Variants in FRY observed in about 807,000 individuals in gnomAD.
FRY encodes the protein protein furry homolog.
FRY carries 128 observed loss-of-function variants against 348.4 expected under a neutral mutation model. The ratio of observed to expected loss-of-function variants is 0.37; its 90% confidence interval spans 0.32 to 0.43. The LOEUF (loss-of-function observed/expected upper bound fraction) is 0.43, where lower values mean the gene tolerates loss of function less well. Among genes scored for constraint, FRY ranks in the 20% least tolerant of loss-of-function variants. FRY has a pLI of 1.00. For missense variants in FRY, 2,736 were observed against 3,695.2 expected, an observed-to-expected ratio of 0.74 and a Z score of 6.73; for synonymous variants, 1,370 against 1,374.7, an observed-to-expected ratio of 1.00 and a Z score of 0.08.
chr13:32,090,328 G>A (rs1876204278), intron 2 of FRY, among the ~76,000 whole-genome samples: 1 of 140,640 alleles, frequency 7.1e-6, no homozygotes, highest in Admixed American at 7.8e-5. Context: ...AGCAGCCTGG[G>A]CGACAGAGCT....
intron 2 of FRY, among the ~76,000 whole-genome samples, chr13:32,099,274 G>A (rs181743437): frequency 0.021 from 3,192 of 151,318 alleles, 48 homozygotes; most frequent in Non-Finnish European, 0.029. Flanking sequence ...GTGTATATAT[G>A]TATATATATA....
chr13:32,075,805 T>G (rs1875013622), intron 1 of FRY, among the ~76,000 whole-genome samples: 1 of 152,206 alleles, frequency 6.6e-6, no homozygotes. Context: ...CTTACCCCAT[T>G]AACTTTCATG....
chr13:32,179,833 T>TA, intron 23 of FRY, 34 bp downstream of exon 23: 1 of 1,598,466 alleles, frequency 6.3e-7, no homozygotes. Context: ...TCTAAATTCA[T>TA]ACATGCTGCT....
At chr13:32,217,145 G>A (rs1411482193) in intron 35 of FRY, among the ~76,000 whole-genome samples, 1 of 152,132 alleles carries the variant, frequency 6.6e-6, no homozygotes, top group Non-Finnish European at 1.5e-5. Context: ...ATAGAGTATT[G>A]ATCTGTTATG....
At chr13:32,056,709 A>G (rs187526544) in intron 1 of FRY, among the ~76,000 whole-genome samples, 1 of 152,344 alleles carries the variant, frequency 6.6e-6, no homozygotes, top group Admixed American at 6.5e-5. Flanking sequence ...TCACTGAAAA[A>G]TAGTGAAAAT....
Position 32,173,318 on chromosome 13 carries a change from T to C in FRY, c.2152-49T>C, listed in dbSNP as rs1213708387. 2.8e-6 allele frequency: 4 copies of C among 1,410,854 alleles called. No individual in the cohort carries two copies. In the South Asian group the frequency reaches 3.5e-5, roughly 12 times the overall value. 87.4% of individuals were successfully genotyped at this position (1,410,854 alleles called of 1,614,324 possible). On this transcript the variant is annotated intron_variant, in intron 18 of 60. Coordinates refer to ENST00000542859, the MANE Select transcript of FRY (RefSeq NM_023037.3). ...ATGTAAAACATGAGTGTATTCTTCTTCCTTTGTTATTTCGCTGAATACAGA... is the reference window on the plus strand; with the variant it reads ...ATGTAAAACATGAGTGTATTCTTCTCCCTTTGTTATTTCGCTGAATACAGA...
intron 58 of FRY, among the ~76,000 whole-genome samples, chr13:32,286,747 C>CAAAAAAAAAAAAAAAA (rs6144991): frequency 1.3e-5 from 1 of 77,492 alleles, no homozygotes; most frequent in African/African-American, 5.8e-5. Context: ...GACTCTGTCT[C>CAAAAAAAAAAAAAAAA]AAAAAAAAAA....
At position 32,131,667 on chromosome 13, in the gene FRY, C is replaced by G; in HGVS notation, c.717-5C>G. 1 of 1,611,176 alleles carries G rather than the reference C, an allele frequency of 6.2e-7. No homozygotes were observed. Among genetic ancestry groups the G allele is most frequent in the Non-Finnish European group, 8.5e-7 (1 of 1,178,032 alleles). On this transcript the variant is annotated splice_polypyrimidine_tract_variant and splice_region_variant and intron_variant, in intron 7 of 60. Coordinates refer to ENST00000542859, the MANE Select transcript of FRY (RefSeq NM_023037.3). Reference sequence around the variant, plus strand: ...TTTGATAAACCACTTATGTTATCTTCTTAGATTCCCTGCTGTAAAGAAGAA... The same window carrying G: ...TTTGATAAACCACTTATGTTATCTTGTTAGATTCCCTGCTGTAAAGAAGAA...
chr13:32,041,818 C>A (rs1003035899), intron 1 of FRY, among the ~76,000 whole-genome samples: 2 of 152,092 alleles, frequency 1.3e-5, no homozygotes, highest in African/African-American at 4.8e-5. Context: ...TATAAGAAAC[C>A]GCCAGTGCTT....
rs1593792717 is a variant in FRY, at chr13:32,244,065, T to C, written c.6711T>C (p.Ser2237=). 6.2e-7 allele frequency: 1 copy of C among 1,614,044 alleles called. No homozygotes were observed. Among genetic ancestry groups the C allele is most frequent in the Non-Finnish European group, 8.5e-7 (1 of 1,179,918 alleles). The part of the protein sequence containing the change: ...LAELLEKGLP[S]VQQPLLQVIY... ...AGCTGCTGGAGAAGGGCCTCCCTAG[T>C]GTGCAGCAGCCCCTGCTCCAGGTGA... is the stretch of plus-strand genomic sequence containing the variant. Residue 2237 remains serine, a synonymous_variant, in exon 47 of 61, where the codon AGT becomes AGC. Coordinates refer to ENST00000542859, the MANE Select transcript of FRY (RefSeq NM_023037.3).
intron 29 of FRY, among the ~76,000 whole-genome samples, chr13:32,197,922 A>G (rs1447456641): frequency 2.0e-5 from 3 of 152,196 alleles, no homozygotes; most frequent in African/African-American, 4.8e-5. Flanking sequence ...TTTATTTGGT[A>G]TGATCACAGC....
intron 7 of FRY, among the ~76,000 whole-genome samples, chr13:32,125,878 T>C (rs186697362): frequency 4.1e-4 from 62 of 152,220 alleles, no homozygotes; most frequent in Admixed American, 3.4e-3. Context: ...CAGAGGATGA[T>C]AAACTGATGC....
intron 1 of FRY, among the ~76,000 whole-genome samples, chr13:32,047,586 G>A (rs77698967): frequency 1.3e-5 from 2 of 148,778 alleles, no homozygotes; most frequent in East Asian, 2.0e-4. Flanking sequence ...TTTTTTGGGG[G>A]GGGTGCAGAG....
intron 3 of FRY, among the ~76,000 whole-genome samples, chr13:32,102,311 T>G (rs913038292): frequency 6.6e-6 from 1 of 152,236 alleles, no homozygotes; most frequent in African/African-American, 2.4e-5. Flanking sequence ...AAAAGAGAGT[T>G]TAAAGGAAAT....
rs115200373 is a variant in FRY, at chr13:32,152,857, A to C, written c.1480-2634A>C. ...CTGGGAGAAAATATTTACAAAACTC[A>C]TATCTGACAAATGACTTCCATCTGA... On this transcript the variant is annotated intron_variant, in intron 14 of 60. Coordinates refer to ENST00000542859, the MANE Select transcript of FRY (RefSeq NM_023037.3). Among the ~76,000 whole-genome samples, 1,051 of 152,280 alleles carry C rather than the reference A, an allele frequency of 6.9e-3. 10 individuals carry two copies. The highest frequency in any genetic ancestry group is 0.024 in the African/African-American group (1,009 of 41,564).
rs1205914113 is a variant in FRY, at chr13:32,218,659, C to CAGATGTGCCATTGAGTTG, written c.4683-87_4683-86insTGTGCCATTGAGTTGAGA. The CAGATGTGCCATTGAGTTG allele has an allele frequency of 7.5e-5, 52 of 691,450 alleles. No homozygotes were observed. The East Asian group carries it at 1.1e-3, about 14-fold the overall frequency. The allele number at this position is 691,450 out of a possible 1,614,324, so 42.8% of individuals were successfully genotyped here. ...GCACCACGGTAGTGCAGCCTGGTGA[C>CAGATGTGCCATTGAGTTG]AGAGTGAGACTCCAACTCAAAAAAA... On this transcript the variant is annotated intron_variant, in intron 35 of 60. Transcript: ENST00000542859.
At chr13:32,090,344 C>T (rs1876206173) in intron 2 of FRY, among the ~76,000 whole-genome samples, 1 of 112,554 alleles carries the variant, frequency 8.9e-6, no homozygotes, top group South Asian at 3.1e-4. Context: ...GAGCTGGACT[C>T]CATCTCAAAA....
chr13:32,166,083 T>C (rs1881719066), intron 17 of FRY, among the ~76,000 whole-genome samples: 1 of 143,114 alleles, frequency 7.0e-6, no homozygotes, highest in South Asian at 2.2e-4. Context: ...TGCTTAGTGC[T>C]CCTGATCCCA....
intron 59 of FRY, 117 bp downstream of exon 59, chr13:32,289,860 G>C (rs1889245037): frequency 1.4e-6 from 1 of 709,548 alleles, no homozygotes; most frequent in Admixed American, 2.0e-5. Flanking sequence ...TAATTATTTT[G>C]CTCAAACACA....
Sources: allele counts gnomAD v4.1 joint callset (sites outside exome capture counted in the v4.1 genomes callset), GRCh38; gene constraint gnomAD v4.1.1; transcripts MANE v1.5; gene names NCBI Gene and HGNC (gene_info 2026-07-23, HGNC 2026-07-21).